Variants in RYR2 observed in about 807,000 individuals in gnomAD.
The protein encoded by RYR2 is ryanodine receptor 2.
In RYR2, 227 loss-of-function variants were observed where a neutral mutation model predicts 601.1. The ratio of observed to expected loss-of-function variants is 0.38; its 90% CI spans 0.34 to 0.42. The LOEUF is 0.42. Ranked by LOEUF, RYR2 falls within the 10% of genes least tolerant of loss-of-function variation. The pLI, the probability that RYR2 is intolerant of heterozygous loss-of-function variation, is 1.00. For missense variants in RYR2, 4,646 were observed against 6,156.5 expected (o/e 0.75, Z 8.21); for synonymous variants, 2,223 against 2,175.1 (o/e 1.02, Z -0.61).
chr1:237,337,067 A>G (rs1484942089), intron 3 of RYR2, among the ~76,000 whole-genome samples: 2 of 151,922 alleles, frequency 1.3e-5, no homozygotes, highest in African/African-American at 4.8e-5. Context: ...CCTAGCCAAC[A>G]TGTTGAAACC....
chr1:237,599,712 A>G (rs1559091705), intron 34 of RYR2, among the ~76,000 whole-genome samples: 1 of 151,140 alleles, frequency 6.6e-6, no homozygotes, highest in Non-Finnish European at 1.5e-5. Context: ...AATCCCACCT[A>G]CTGGGGAGGC....
In RYR2 at chr1:237,708,902, A is replaced by G. The variant is rs768523853; in HGVS notation, c.9946A>G (p.Lys3316Glu). The change falls in exon 69 of 105, where the codon AAA becomes GAA. Residue 3316 changes from lysine to glutamate, a missense_variant. Lys to Glu is a moderately conservative substitution (Grantham distance 56). This residue lies in a region of RYR2 where 1,497 missense variants were observed against 1,842.6 expected (regional missense o/e 0.81). Coordinates refer to ENST00000366574, the MANE Select transcript of RYR2 (RefSeq NM_001035.3). ...IINKVKPQLLKTHFLPLMEKL... is the reference protein window; with the variant it reads ...IINKVKPQLLETHFLPLMEKL... Reference sequence around the variant, plus strand: ...AAATAAAGTGAAACCTCAGCTCTTGAAAACTCATTTCTTGCCGTTAATGGA... The same window carrying G: ...AAATAAAGTGAAACCTCAGCTCTTGGAAACTCATTTCTTGCCGTTAATGGA... The G allele has an allele frequency of 7.4e-6, 12 of 1,612,260 alleles. No homozygotes were observed. The highest frequency in any genetic ancestry group is 9.3e-6 in the Non-Finnish European group (11 of 1,178,646).
At chr1:237,290,545 A>C (rs1387309241) in intron 2 of RYR2, among the ~76,000 whole-genome samples, 1 of 152,254 alleles carries the variant, frequency 6.6e-6, no homozygotes, top group African/African-American at 2.4e-5. Flanking sequence ...CTGATTTTAA[A>C]GTCCCCAAAA....
chr1:237,113,486 C>G (rs937180983), intron 1 of RYR2, among the ~76,000 whole-genome samples: 2 of 152,120 alleles, frequency 1.3e-5, no homozygotes, highest in Non-Finnish European at 2.9e-5. Context: ...AGGCATGAGC[C>G]ATCGTGTCCA....
At chr1:237,299,184 CTG>C (rs1263300690) in intron 2 of RYR2, among the ~76,000 whole-genome samples, 2 of 142,794 alleles carry the variant, frequency 1.4e-5, no homozygotes, top group African/African-American at 5.0e-5. Flanking sequence ...AAATGAGAAA[CTG>C]AGAGTAAATC....
chr1:237,538,003 A>G (rs554521504), intron 25 of RYR2, among the ~76,000 whole-genome samples: 1 of 152,158 alleles, frequency 6.6e-6, no homozygotes, highest in Admixed American at 6.5e-5. Flanking sequence ...TCATAGTAAT[A>G]ACAAAGAGGT....
At chr1:237,449,240 G>A (rs952726391) in intron 14 of RYR2, among the ~76,000 whole-genome samples, 3 of 151,978 alleles carry the variant, frequency 2.0e-5, no homozygotes, top group Admixed American at 1.3e-4. Context: ...TTTATTAGCT[G>A]TAATATTTTG....
At chr1:237,070,607 T>C (rs1392004170) in intron 1 of RYR2, among the ~76,000 whole-genome samples, 1 of 152,142 alleles carries the variant, frequency 6.6e-6, no homozygotes, top group East Asian at 1.9e-4. Flanking sequence ...CCCGGCAGGC[T>C]GTGCTTGGTT....
chr1:237,789,201 C>G (rs1043044755), intron 92 of RYR2, among the ~76,000 whole-genome samples: 1 of 152,000 alleles, frequency 6.6e-6, no homozygotes, highest in African/African-American at 2.4e-5. Context: ...ACAGCAGAGT[C>G]ATATTTAGTG....
chr1:237,766,781 G>C (rs902246906), intron 84 of RYR2, among the ~76,000 whole-genome samples: 7 of 152,184 alleles, frequency 4.6e-5, no homozygotes, highest in African/African-American at 1.7e-4. Flanking sequence ...GAAGTTAACA[G>C]AATGTACTTT....
At chr1:237,383,518 C>T (rs948131498) in intron 8 of RYR2, among the ~76,000 whole-genome samples, 16 of 144,854 alleles carry the variant, frequency 1.1e-4, no homozygotes, top group African/African-American at 3.8e-4. Flanking sequence ...CAAGCTCCAC[C>T]TCCCGGGTTC....
chr1:237,658,266 A>T (rs772445506), intron 54 of RYR2, among the ~76,000 whole-genome samples: 6 of 151,668 alleles, frequency 4.0e-5, no homozygotes, highest in Non-Finnish European at 7.4e-5. Flanking sequence ...TCATTAAATT[A>T]TAAATATAGT....
At chr1:237,053,427 T>C (rs1661537204) in intron 1 of RYR2, among the ~76,000 whole-genome samples, 1 of 152,176 alleles carries the variant, frequency 6.6e-6, no homozygotes, top group African/African-American at 2.4e-5. Flanking sequence ...CTCCTGAAGA[T>C]GGGGGTGTCA....
At chr1:237,602,674 A>G (rs1343191826) in intron 35 of RYR2, among the ~76,000 whole-genome samples, 1 of 152,198 alleles carries the variant, frequency 6.6e-6, no homozygotes, top group African/African-American at 2.4e-5. Flanking sequence ...TAACCGTAAC[A>G]AAGGATGCCT....
chr1:237,262,796 C>G (rs1235274923), intron 1 of RYR2, among the ~76,000 whole-genome samples: 4 of 152,008 alleles, frequency 2.6e-5, no homozygotes, highest in African/African-American at 7.3e-5. Flanking sequence ...GAAAAATTCT[C>G]AGGACATAAC....
Position 237,742,418 on chromosome 1 carries a change from C to A in RYR2, c.11145+69C>A, listed in dbSNP as rs1691696232. The A allele has an allele frequency of 9.8e-6, 11 of 1,126,822 alleles. No individual in the cohort carries two copies. The Admixed American group carries it at 1.9e-4, about 19-fold the overall frequency. The allele number at this position is 1,126,822 out of a possible 1,614,324, so 69.8% of individuals were successfully genotyped here. A position where few individuals can be genotyped will look rare whatever the true frequency, so the allele number is the denominator to read the frequency against. On this transcript the variant is annotated intron_variant, in intron 80 of 104. Coordinates refer to ENST00000366574, the MANE Select transcript of RYR2 (RefSeq NM_001035.3). ...ACATTGTTTCATAGCTTATAACTGA[C>A]ATTTATGTTTCTTGCTTCATGGCTT...
rs1687217093 is a variant in RYR2 at position 237,249,225 on chromosome 1, T to C, written c.49-21272T>C. Among the ~76,000 whole-genome samples the C allele has an allele frequency of 2.6e-5, 4 of 152,320 alleles. 1 individual carries two copies. The South Asian group carries it at 8.3e-4, about 32-fold the overall frequency. ...TCTTTGTCCAACCCAAATGTAGTTTTTATATTACTCATAGTAAATGCCATT... is the reference window on the plus strand; with the variant it reads ...TCTTTGTCCAACCCAAATGTAGTTTCTATATTACTCATAGTAAATGCCATT... On this transcript the variant is annotated intron_variant, in intron 1 of 104. Transcript: ENST00000366574.
At chr1:237,716,517 T>C (rs2149097986) in intron 71 of RYR2, among the ~76,000 whole-genome samples, 1 of 152,268 alleles carries the variant, frequency 6.6e-6, no homozygotes. Flanking sequence ...TTAGATTCTG[T>C]CGTTTAAGGT....
chr1:237,283,191 C>G (rs562202106), intron 2 of RYR2, among the ~76,000 whole-genome samples: 1 of 152,296 alleles, frequency 6.6e-6, no homozygotes, highest in East Asian at 1.9e-4. Flanking sequence ...TTTGTAAAGT[C>G]TTCCTGTGTT....
Sources: gnomAD v4.1 joint callset for allele counts (sites outside exome capture counted in the v4.1 genomes callset) on GRCh38, gnomAD v4.1.1 for gene constraint, gnomAD v4.1.1 regional missense constraint, MANE v1.5 for transcripts, NCBI Gene and HGNC (gene_info 2026-07-23, HGNC 2026-07-21) for gene names.